The following H2BC18 variants were observed in gnomAD, a reference collection of about 807,000 sequenced individuals.
H2BC18 encodes the protein histone H2B type 2-F.
H2BC18 carries 8 observed loss-of-function variants against 6.3 expected under a neutral mutation model. That is an observed-to-expected ratio of 1.28 (90% CI 0.75 to 2.31). The LOEUF is 2.31. Among genes scored for constraint, H2BC18 ranks in the 30% most tolerant of loss-of-function variants. H2BC18 has a pLI of 0.00. For synonymous variants in H2BC18, 104 were observed against 78.1 expected, an observed-to-expected ratio of 1.33 and a Z score of -1.75; for missense variants, 106 against 174.5, an observed-to-expected ratio of 0.61 and a Z score of 2.21.
intron 1 of H2BC18, among the ~76,000 whole-genome samples, chr1:149,789,659 A>G (rs2091651701): frequency 6.6e-6 from 1 of 152,142 alleles, no homozygotes; most frequent in African/African-American, 2.4e-5. Flanking sequence ...CTCCTGTCCA[A>G]TCAGTGGCAA....
intron 1 of H2BC18, among the ~76,000 whole-genome samples, chr1:149,799,998 A>G (rs2091848281): frequency 6.6e-6 from 1 of 152,006 alleles, no homozygotes. Flanking sequence ...GACTGAGTCT[A>G]CCAGACTGCC....
chr1:149,794,090 G>A (rs1553752542), intron 1 of H2BC18: 1 of 502,852 alleles, frequency 2.0e-6, no homozygotes, highest in Admixed American at 2.3e-5. Context: ...TCCTCGGGCT[G>A]TAGAGAGACA....
chr1:149,799,809 C>G (rs2457469), intron 1 of H2BC18, among the ~76,000 whole-genome samples: 7 of 152,162 alleles, frequency 4.6e-5, no homozygotes, highest in Non-Finnish European at 8.8e-5. Flanking sequence ...ATCATGAGGA[C>G]GGAGAAACTC....
intron 1 of H2BC18, among the ~76,000 whole-genome samples, chr1:149,806,456 C>G (rs587601352): frequency 1.3e-5 from 2 of 152,198 alleles, no homozygotes; most frequent in Non-Finnish European, 2.9e-5. Context: ...GGTATGGTGG[C>G]ACTTGCCTGT....
intron 1 of H2BC18, among the ~76,000 whole-genome samples, chr1:149,801,441 G>A (rs672698): frequency 7.4e-5 from 11 of 148,678 alleles, no homozygotes; most frequent in African/African-American, 2.2e-4. Context: ...ACTTCCCTAC[G>A]ATCACCAACT....
At chr1:149,802,074 A>T (rs2091878131) in intron 1 of H2BC18, among the ~76,000 whole-genome samples, 1 of 152,088 alleles carries the variant, frequency 6.6e-6, no homozygotes, top group African/African-American at 2.4e-5. Context: ...CTAATCTGAA[A>T]ACTGTCTTCT....
intron 1 of H2BC18, among the ~76,000 whole-genome samples, chr1:149,801,828 G>C (rs1321232): frequency 0.14 from 20,824 of 144,838 alleles, 1,219 homozygotes; most frequent in African/African-American, 0.29. Context: ...AGGAAGAACA[G>C]TCACAGTTCT....
At chr1:149,789,547 G>A (rs1435527764) in intron 1 of H2BC18, among the ~76,000 whole-genome samples, 1 of 152,186 alleles carries the variant, frequency 6.6e-6, no homozygotes, top group Non-Finnish European at 1.5e-5. Flanking sequence ...ACCTTGTAGA[G>A]CAGGGGTTCC....
chr1:149,810,193 T>C (rs2091958094), downstream of H2BC18, among the ~76,000 whole-genome samples: 1 of 152,256 alleles, frequency 6.6e-6, no homozygotes, highest in South Asian at 2.1e-4. Context: ...GGATAAATTC[T>C]CTTATGGCCC....
chr1:149,807,887 C>A (rs1404194823), downstream of H2BC18, among the ~76,000 whole-genome samples: 1 of 151,988 alleles, frequency 6.6e-6, no homozygotes, highest in Non-Finnish European at 1.5e-5. Context: ...CAAGCTAGGA[C>A]CATGGTGAGC....
downstream of H2BC18, among the ~76,000 whole-genome samples, chr1:149,808,546 C>G (rs1553754113): frequency 6.6e-6 from 1 of 151,966 alleles, no homozygotes; most frequent in South Asian, 2.1e-4. Context: ...AATGGATTAA[C>G]ATAAAAAATT....
rs1553754601 is a variant in H2BC18, at chr1:149,812,212, A to G, written c.112T>C (p.Tyr38His). The stretch of plus-strand genomic sequence containing the variant: ...AGCACCTTGTACACGTAAACGGAGT[A>G]GCTCTCCTTGCGGCTGCGCTTGCGC... ...KKRKRSRKES[Y>H]SVYVYKVLKQ... Residue 38 changes from tyrosine (Y) to histidine (H), a missense_variant, in exon 1 of 1, where the codon TAC becomes CAC. This residue lies in a region of H2BC18 where 70 missense variants were observed against 64.6 expected (regional missense o/e 1.08). Transcript: ENST00000369167. 8 of 1,614,156 alleles carry G rather than the reference A, an allele frequency of 5.0e-6. No homozygotes were observed. Among genetic ancestry groups the G allele is most frequent in the Non-Finnish European group, 6.8e-6 (8 of 1,180,056 alleles).
In H2BC18 at chr1:149,812,360, T is replaced by A. The variant is rs200749776; in HGVS notation, c.-37A>T. ...AAAAGAGAAAAGAGACTTAAAGAAG[T>A]AATCCGAACTACCGCAAAACGGGCT... On this transcript the variant is annotated 5_prime_UTR_variant, in exon 1 of 1. Transcript: ENST00000369167. 4.4e-4 allele frequency: 707 copies of A among 1,613,728 alleles called. 1 individual carries two copies. Among genetic ancestry groups the A allele is most frequent in the Non-Finnish European group, 5.5e-4 (654 of 1,179,896 alleles).
chr1:149,812,334 A>T lies in H2BC18; in HGVS notation c.-11T>A, dbSNP rs1358502285. On this transcript the variant is annotated 5_prime_UTR_variant, in exon 1 of 1. Coordinates refer to ENST00000369167, the MANE Select transcript of H2BC18 (RefSeq NM_001024599.5). ...CGCTGGATCCGGCATTTTTGCGCGA[A>T]AAAAGAGAAAAGAGACTTAAAGAAG... The T allele has an allele frequency of 6.2e-7, 1 of 1,614,098 alleles. No individual in the cohort carries two copies. Among genetic ancestry groups the T allele is most frequent in the South Asian group, 1.1e-5 (1 of 91,074 alleles).
chr1:149,801,999 A>C (rs59420759), intron 1 of H2BC18, among the ~76,000 whole-genome samples: 9,945 of 150,340 alleles, frequency 0.066, 384 homozygotes, highest in African/African-American at 0.15. Context: ...ACAAATGAAA[A>C]AGTTTCTTAC....
chr1:149,793,039 C>A, intron 1 of H2BC18: 2 of 1,261,446 alleles, frequency 1.6e-6, no homozygotes, highest in Non-Finnish European at 2.0e-6. Flanking sequence ...CGCCAGCTCC[C>A]GGGCCCCGGC....
chr1:149,800,852 A>G (rs1191410877), intron 1 of H2BC18, among the ~76,000 whole-genome samples: 1 of 151,968 alleles, frequency 6.6e-6, no homozygotes, highest in African/African-American at 2.4e-5. Context: ...TTGGGAGGCC[A>G]AGGTCGGTGG....
rs1314922667 is a variant in H2BC18, at chr1:149,812,270, A to G, written c.54T>C (p.Ala18=). Reference sequence around the variant, plus strand: ...CGTCCTTCTTCTGCACTTTCGTAACAGCCTTTTTGGAGCCCTTCTTGGGAG... The same window carrying G: ...CGTCCTTCTTCTGCACTTTCGTAACGGCCTTTTTGGAGCCCTTCTTGGGAG... ...APAPKKGSKK[A]VTKVQKKDGK... Residue 18 remains alanine (A), a synonymous_variant, in exon 1 of 1, where the codon GCT becomes GCC. Coordinates refer to ENST00000369167, the MANE Select transcript of H2BC18 (RefSeq NM_001024599.5). 3.1e-6 allele frequency: 5 copies of G among 1,614,068 alleles called. No homozygotes were observed. The highest frequency in any genetic ancestry group is 2.7e-5 in the African/African-American group (2 of 74,922).
At chr1:149,787,334 T>TCC (rs1553750943) in intron 1 of H2BC18, 1 of 152,244 alleles carries the variant, frequency 6.6e-6, no homozygotes, top group Non-Finnish European at 1.5e-5. Flanking sequence ...CATTTTTACT[T>TCC]AGCCAAACCA....
Sources: allele counts gnomAD v4.1 joint callset (sites outside exome capture counted in the v4.1 genomes callset), GRCh38; gene constraint gnomAD v4.1.1; regional missense constraint gnomAD v4.1.1; transcripts MANE v1.5; gene names NCBI Gene and HGNC (gene_info 2026-07-23, HGNC 2026-07-21).